The following IMMP2L variants were observed in gnomAD, a reference collection of about 807,000 sequenced individuals.
The protein encoded by IMMP2L is inner mitochondrial membrane peptidase subunit 2, also known as mitochondrial inner membrane protease subunit 2.
IMMP2L carries 18 observed loss-of-function variants against 19.3 expected under a neutral mutation model. That is an observed-to-expected ratio of 0.93 (90% CI 0.64 to 1.38). The LOEUF is 1.38. Ranked by LOEUF, IMMP2L falls within the 40% of genes most tolerant of loss-of-function variation. The pLI is 0.00. For missense variants in IMMP2L, 233 were observed against 218.2 expected (o/e 1.07, Z -0.43); for synonymous variants, 76 against 73.0 (o/e 1.04, Z -0.21).
rs1584944077 is a variant in IMMP2L, at chr7:111,397,085, C to G, written c.239+90153G>C. Among the ~76,000 whole-genome samples, 8 of 150,368 alleles carry G rather than the reference C, an allele frequency of 5.3e-5. No homozygotes were observed. The South Asian group carries it at 1.5e-3, about 28-fold the overall frequency. ...CCTGGGCAACAGAGCGAGACTCTAT[C>G]TCAAAAAAAAAAAGAAAACATTTTT... On this transcript the variant is annotated intron_variant, in intron 3 of 5. Transcript: ENST00000405709.
intron 3 of IMMP2L, among the ~76,000 whole-genome samples, chr7:111,356,977 T>A (rs757187385): frequency 3.8e-4 from 58 of 152,022 alleles, no homozygotes; most frequent in Non-Finnish European, 7.4e-4. Flanking sequence ...CCCGAGATGG[T>A]GCCATTGCAC....
intron 5 of IMMP2L, among the ~76,000 whole-genome samples, chr7:110,668,075 C>G (rs192254005): frequency 1.3e-5 from 2 of 152,158 alleles, no homozygotes; most frequent in Admixed American, 1.3e-4. Context: ...CTGTAAGCTA[C>G]CTCTATTACT....
At chr7:111,162,176 G>A (rs1035143248) in intron 3 of IMMP2L, among the ~76,000 whole-genome samples, 1 of 151,904 alleles carries the variant, frequency 6.6e-6, no homozygotes, top group Non-Finnish European at 1.5e-5. Context: ...ATTATTGATC[G>A]CTAATATGTT....
chr7:111,536,152 A>G (rs1847867869), intron 1 of IMMP2L, among the ~76,000 whole-genome samples: 1 of 152,176 alleles, frequency 6.6e-6, no homozygotes, highest in Non-Finnish European at 1.5e-5. Flanking sequence ...TGAATGTGCT[A>G]ATTTTCTGAA....
chr7:110,835,819 G>C (rs529278683), intron 5 of IMMP2L, among the ~76,000 whole-genome samples: 7 of 152,094 alleles, frequency 4.6e-5, no homozygotes, highest in African/African-American at 1.7e-4. Context: ...GTTTTCTCTT[G>C]TTCTTCTTAT....
chr7:111,229,504 A>G (rs909145571), intron 3 of IMMP2L, among the ~76,000 whole-genome samples: 3 of 152,020 alleles, frequency 2.0e-5, no homozygotes, highest in Non-Finnish European at 2.9e-5. Flanking sequence ...GGAATGTGCT[A>G]AAGTGGTTCC....
Position 110,974,453 on chromosome 7 carries a change from A to T in IMMP2L, c.240-10888T>A, listed in dbSNP as rs548605377. On this transcript the variant is annotated intron_variant, in intron 3 of 5. Transcript: ENST00000405709. ...TCTATTTAAAACTTTTAAATAGTCT[A>T]ACCGTATTACCTAAAATAAAATGCC... 2.6e-5 allele frequency among the ~76,000 whole-genome samples: 4 copies of T among 152,290 alleles called. No individual in the cohort carries two copies. The South Asian group carries it at 8.3e-4, about 32-fold the overall frequency.
intron 5 of IMMP2L, among the ~76,000 whole-genome samples, chr7:110,744,238 C>T (rs933049032): frequency 6.6e-6 from 1 of 152,234 alleles, no homozygotes; most frequent in African/African-American, 2.4e-5. Flanking sequence ...AAAAAGGCAG[C>T]AGCCCCAGTC....
At chr7:111,506,197 AAAT>A (rs543586226) in intron 2 of IMMP2L, among the ~76,000 whole-genome samples, 2,950 of 149,484 alleles carry the variant, frequency 0.02, 99 homozygotes, top group African/African-American at 0.068. Context: ...TGTCTCTTTA[AAAT>A]AATAATAATA....
chr7:111,334,786 A>G (rs907231169), intron 3 of IMMP2L, among the ~76,000 whole-genome samples: 1 of 152,092 alleles, frequency 6.6e-6, no homozygotes, highest in Non-Finnish European at 1.5e-5. Context: ...CCAGACTACT[A>G]AAATTATTGT....
At chr7:110,740,184 C>T (rs1024199083) in intron 5 of IMMP2L, among the ~76,000 whole-genome samples, 2 of 152,038 alleles carry the variant, frequency 1.3e-5, no homozygotes, top group Non-Finnish European at 2.9e-5. Flanking sequence ...CAAACCCAAA[C>T]CCATCAGAAG....
chr7:110,673,176 C>A (rs141428411), intron 5 of IMMP2L, among the ~76,000 whole-genome samples: 1 of 152,360 alleles, frequency 6.6e-6, no homozygotes, highest in East Asian at 1.9e-4. Context: ...TATGCATCTG[C>A]AGGCCCAACC....
intron 3 of IMMP2L, among the ~76,000 whole-genome samples, chr7:111,206,886 G>A (rs1327169000): frequency 2.0e-5 from 3 of 152,074 alleles, no homozygotes; most frequent in Non-Finnish European, 4.4e-5. Flanking sequence ...TTCCTTAGGT[G>A]TTACTCTTAG....
intron 3 of IMMP2L, among the ~76,000 whole-genome samples, chr7:111,186,233 A>C (rs1416061171): frequency 1.2e-5 from 1 of 83,152 alleles, no homozygotes; most frequent in East Asian, 4.1e-4. Context: ...ACCTTTTCTA[A>C]AGGAAAGACT....
At chr7:111,414,010 T>C (rs1834717921) in intron 3 of IMMP2L, among the ~76,000 whole-genome samples, 1 of 151,734 alleles carries the variant, frequency 6.6e-6, no homozygotes, top group Non-Finnish European at 1.5e-5. Flanking sequence ...GCATCCCAAG[T>C]GGTTTCCTGG....
At chr7:111,299,587 A>G (rs941602355) in intron 3 of IMMP2L, among the ~76,000 whole-genome samples, 24 of 151,916 alleles carry the variant, frequency 1.6e-4, no homozygotes, top group African/African-American at 4.6e-4. Context: ...AAAAAAAAAA[A>G]AAAGAAATGC....
intron 5 of IMMP2L, among the ~76,000 whole-genome samples, chr7:110,772,179 G>T (rs191278725): frequency 1.3e-5 from 2 of 152,234 alleles, no homozygotes; most frequent in Admixed American, 1.3e-4. Context: ...TCTTCCCAAT[G>T]CTCCTGAAGT....
intron 5 of IMMP2L, among the ~76,000 whole-genome samples, chr7:110,856,249 C>T (rs1028594342): frequency 1.3e-5 from 2 of 151,910 alleles, no homozygotes; most frequent in Admixed American, 1.3e-4. Flanking sequence ...CAGTTTAAAG[C>T]TCTTAGTTTA....
chr7:111,182,833 A>C (rs1171476364), intron 3 of IMMP2L, among the ~76,000 whole-genome samples: 2 of 152,044 alleles, frequency 1.3e-5, no homozygotes, highest in African/African-American at 2.4e-5. Flanking sequence ...GTTTCTAAAT[A>C]GTTTGGGTTC....
Sources: allele counts gnomAD v4.1 joint callset (sites outside exome capture counted in the v4.1 genomes callset), GRCh38; gene constraint gnomAD v4.1.1; transcripts MANE v1.5; gene names NCBI Gene and HGNC (gene_info 2026-07-23, HGNC 2026-07-21).